TRPM3: variants seen among roughly 807,000 people sequenced by gnomAD.
TRPM3 encodes transient receptor potential cation channel subfamily M member 3.
A neutral mutation model predicts 181.2 loss-of-function variants in TRPM3; 77 were observed. That is an observed-to-expected ratio of 0.42 (90% CI 0.35 to 0.51). The LOEUF (loss-of-function observed/expected upper bound fraction) is 0.51, where lower values mean the gene tolerates loss of function less well. Ranked by LOEUF, TRPM3 falls within the 20% of genes least tolerant of loss-of-function variation. TRPM3 has a pLI of 0.01. For missense variants in TRPM3, 1,759 were observed against 2,196.7 expected (o/e 0.80, Z 3.98); for synonymous variants, 745 against 796.4 (o/e 0.94, Z 1.09).
At chr9:71,254,527 T>G (rs1409863683) in intron 1 of TRPM3, among the ~76,000 whole-genome samples, 1 of 152,224 alleles carries the variant, frequency 6.6e-6, no homozygotes, top group Admixed American at 6.5e-5. Context: ...GTAATGCATA[T>G]GTTAACTAGC....
chr9:70,609,380 T>TTGA (rs1347258850), intron 19 of TRPM3, among the ~76,000 whole-genome samples: 1 of 152,262 alleles, frequency 6.6e-6, no homozygotes, highest in African/African-American at 2.4e-5. Flanking sequence ...TTTCCTAACA[T>TTGA]TGATAAATTT....
At chr9:71,059,585 G>A (rs992553078) in intron 1 of TRPM3, among the ~76,000 whole-genome samples, 1 of 151,914 alleles carries the variant, frequency 6.6e-6, no homozygotes, top group South Asian at 2.1e-4. Flanking sequence ...TTGTAAATGC[G>A]ATCAACATCT....
In TRPM3 at chr9:70,552,973, T is replaced by C; in HGVS notation, c.3445A>G (p.Thr1149Ala). 8 of 1,614,114 alleles carry C rather than the reference T, an allele frequency of 5.0e-6. No homozygotes were observed. Among genetic ancestry groups the C allele is most frequent in the Non-Finnish European group, 6.8e-6 (8 of 1,180,026 alleles). ...GGCAGAACTGGCCTTTCATGGAAAG[T>C]CATGATGAGCTGATACCTCTGAAAC... ...WKFQRYQLIMTFHERPVLPPP... is the reference protein window; with the variant it reads ...WKFQRYQLIMAFHERPVLPPP... The change falls in exon 24 of 26, where the codon ACT (threonine) becomes GCT (alanine). Residue 1149 changes from threonine (T) to alanine (A), a missense_variant. Around this residue, in one of 8 missense-constraint regions of TRPM3, gnomAD observed 94 missense variants for 221.3 expected, o/e 0.42. Coordinates refer to ENST00000677713, the MANE Select transcript of TRPM3 (RefSeq NM_001366145.2).
intron 1 of TRPM3, among the ~76,000 whole-genome samples, chr9:71,366,182 C>T (rs539242369): frequency 6.6e-6 from 1 of 152,260 alleles, no homozygotes; most frequent in Admixed American, 6.5e-5. Flanking sequence ...GAGTTCATTT[C>T]TTTTCTATAG....
At chr9:70,626,056 T>C (rs2064532577) in intron 12 of TRPM3, among the ~76,000 whole-genome samples, 1 of 152,210 alleles carries the variant, frequency 6.6e-6, no homozygotes, top group Non-Finnish European at 1.5e-5. Context: ...AAGGAGATTT[T>C]CATTTTTTCT....
At chr9:71,033,140 C>A (rs774031033) in intron 1 of TRPM3, among the ~76,000 whole-genome samples, 1 of 152,118 alleles carries the variant, frequency 6.6e-6, no homozygotes, top group Non-Finnish European at 1.5e-5. Flanking sequence ...AAGAAAGGGT[C>A]CTAGATGGTT....
At position 70,549,636 on chromosome 9, in the gene TRPM3, C is replaced by T. The variant is rs753176731; in HGVS notation, c.3613G>A (p.Asp1205Asn). 1 of 1,610,328 alleles carries T rather than the reference C, an allele frequency of 6.2e-7. No individual in the cohort carries two copies. Among genetic ancestry groups the T allele is most frequent in the East Asian group, 2.2e-5 (1 of 44,816 alleles). The change falls in exon 25 of 26, where the codon GAC (aspartate) becomes AAC (asparagine). Residue 1205 changes from aspartate to asparagine, a missense_variant. Physicochemically the swap from Asp to Asn is conservative, Grantham distance 23. Transcript: ENST00000677713. ...ITDDELKKVHDFEEQCIEEYF... is the reference protein window; with the variant it reads ...ITDDELKKVHNFEEQCIEEYF... ...TCTTCTATGCATTGCTCTTCAAAGT[C>T]ATGTACTTTCTTGAGCTCATCATCG... is the stretch of plus-strand genomic sequence containing the variant.
chr9:71,328,676 C>G (rs1161366135), intron 1 of TRPM3, among the ~76,000 whole-genome samples: 1 of 152,188 alleles, frequency 6.6e-6, no homozygotes, highest in East Asian at 1.9e-4. Context: ...TTTCCTCATC[C>G]TTTCTGATGG....
At chr9:71,151,883 G>A (rs746434369) in intron 1 of TRPM3, among the ~76,000 whole-genome samples, 2 of 152,016 alleles carry the variant, frequency 1.3e-5, no homozygotes, top group Admixed American at 6.6e-5. Context: ...AAAAACATTC[G>A]CTGAGCTCTC....
chr9:71,066,534 C>T (rs189538091), intron 1 of TRPM3, among the ~76,000 whole-genome samples: 43 of 152,162 alleles, frequency 2.8e-4, no homozygotes, highest in Admixed American at 2.0e-3. Flanking sequence ...AGGATGCAGT[C>T]GTTAAGTTGT....
intron 22 of TRPM3, among the ~76,000 whole-genome samples, chr9:70,564,667 C>G (rs1166301015): frequency 6.6e-6 from 1 of 152,096 alleles, no homozygotes; most frequent in Admixed American, 6.6e-5. Context: ...AAGGATCAGT[C>G]CAGTGAGCCA....
At chr9:71,072,928 C>T (rs573226614) in intron 1 of TRPM3, among the ~76,000 whole-genome samples, 6 of 152,336 alleles carry the variant, frequency 3.9e-5, no homozygotes, top group Admixed American at 2.6e-4. Flanking sequence ...CTCCTCCTCC[C>T]TACTCTTTCT....
chr9:70,836,377 C>T (rs745866619), intron 5 of TRPM3, among the ~76,000 whole-genome samples: 3 of 152,172 alleles, frequency 2.0e-5, no homozygotes, highest in Non-Finnish European at 4.4e-5. Context: ...ATCTCTCCCC[C>T]TCACAACCAA....
intron 25 of TRPM3, among the ~76,000 whole-genome samples, chr9:70,538,456 T>C (rs1486009497): frequency 6.6e-6 from 1 of 151,528 alleles, no homozygotes; most frequent in Non-Finnish European, 1.5e-5. Flanking sequence ...TGAGACAAGG[T>C]CTCACTCTGT....
intron 1 of TRPM3, among the ~76,000 whole-genome samples, chr9:71,162,879 G>A (rs1212034286): frequency 1.3e-5 from 2 of 152,222 alleles, no homozygotes; most frequent in Non-Finnish European, 1.5e-5. Context: ...ACACAAAAGA[G>A]GAGCACTTAG....
At chr9:71,410,210 A>C (rs1281617264) in intron 1 of TRPM3, among the ~76,000 whole-genome samples, 1 of 152,186 alleles carries the variant, frequency 6.6e-6, no homozygotes, top group Admixed American at 6.5e-5. Flanking sequence ...TGGAGAAGCA[A>C]GAGCAAACAC....
At chr9:70,766,521 ACAC>A (rs61441999) in intron 7 of TRPM3, among the ~76,000 whole-genome samples, 18,757 of 152,164 alleles carry the variant, frequency 0.12, 1,260 homozygotes, top group East Asian at 0.24. Flanking sequence ...CTTGTTAATA[ACAC>A]CACAATTTGG....
chr9:70,550,255 A>G (rs2046148098), intron 24 of TRPM3, among the ~76,000 whole-genome samples: 1 of 152,150 alleles, frequency 6.6e-6, no homozygotes, highest in Admixed American at 6.5e-5. Context: ...TAAAATATAG[A>G]CATGTGGTTG....
intron 6 of TRPM3, among the ~76,000 whole-genome samples, chr9:70,795,756 C>T (rs373418619): frequency 5.3e-4 from 80 of 152,308 alleles, no homozygotes; most frequent in South Asian, 2.3e-3. Flanking sequence ...TATACCCAGA[C>T]GATAACTTAG....
Sources: allele counts gnomAD v4.1 joint callset (sites outside exome capture counted in the v4.1 genomes callset), GRCh38; gene constraint gnomAD v4.1.1; regional missense constraint gnomAD v4.1.1; transcripts MANE v1.5; gene names NCBI Gene and HGNC (gene_info 2026-07-23, HGNC 2026-07-21).